The following UGGT2 variants were observed in gnomAD, a reference collection of about 807,000 sequenced individuals.
UGGT2 encodes UDP-glucose glycoprotein glucosyltransferase 2.
UGGT2 carries 180 observed loss-of-function variants against 192.1 expected under a neutral mutation model. The ratio of observed to expected loss-of-function variants is 0.94; its 90% CI spans 0.83 to 1.06. The LOEUF is 1.06. Among genes scored for constraint, UGGT2 ranks in the 50% least tolerant of loss-of-function variants. The pLI, the probability that UGGT2 is intolerant of heterozygous loss-of-function variation, is 0.00. For synonymous variants in UGGT2, 580 were observed against 591.0 expected, an observed-to-expected ratio of 0.98 and a Z score of 0.27; for missense variants, 1,849 against 1,795.7, an observed-to-expected ratio of 1.03 and a Z score of -0.54.
chr13:95,884,366 A>T, intron 27 of UGGT2, 125 bp downstream of exon 27: 1 of 800,208 alleles, frequency 1.2e-6, no homozygotes, highest in Non-Finnish European at 1.8e-6. Context: ...ATCAGGACCT[A>T]GAATCATAAA....
intron 38 of UGGT2, among the ~76,000 whole-genome samples, chr13:95,803,967 G>C (rs1184428038): frequency 1.3e-5 from 2 of 151,864 alleles, no homozygotes; most frequent in Non-Finnish European, 2.9e-5. Context: ...GGTATTTCAG[G>C]GGATATTAGA....
At chr13:95,926,974 CAT>C in intron 19 of UGGT2, 52 bp downstream of exon 19, 1 of 1,467,436 alleles carries the variant, frequency 6.8e-7, no homozygotes, top group Non-Finnish European at 9.2e-7. Context: ...GCCTTATGAA[CAT>C]TACAAGTTTC....
intron 38 of UGGT2, among the ~76,000 whole-genome samples, chr13:95,829,540 A>G (rs760245784): frequency 1.6e-4 from 25 of 152,206 alleles, no homozygotes; most frequent in Non-Finnish European, 3.1e-4. Flanking sequence ...ACAAAGAGAG[A>G]GCCAAATCAT....
rs1566568129 is a variant in UGGT2 at position 95,837,154 on chromosome 13, G to GAGGA, written c.4329_4332dup (p.Gln1445SerfsTer8). ...CAGGTTTCACACCACAGCCAGTCTT[G>GAGGA]AGGAAGAGACTTAATGGCGACTTGG... On this transcript the variant is annotated frameshift_variant, in exon 37 of 39. Transcript: ENST00000376747. LOFTEE classifies it high-confidence loss of function. 3 of 1,614,026 alleles carry GAGGA rather than the reference G, an allele frequency of 1.9e-6. No homozygotes were observed. The highest frequency in any genetic ancestry group is 2.5e-6 in the Non-Finnish European group (3 of 1,179,982).
intron 12 of UGGT2, among the ~76,000 whole-genome samples, chr13:95,964,950 C>T (rs2050520458): frequency 6.6e-6 from 1 of 152,176 alleles, no homozygotes; most frequent in South Asian, 2.1e-4. Flanking sequence ...AGATGCTTCT[C>T]AAAAGAAGAC....
At chr13:95,808,155 T>C (rs1884411805) in intron 38 of UGGT2, among the ~76,000 whole-genome samples, 1 of 152,160 alleles carries the variant, frequency 6.6e-6, no homozygotes, top group East Asian at 1.9e-4. Flanking sequence ...TACTTCCTGA[T>C]CTCAGGGACA....
chr13:96,002,917 T>C (rs888003739), intron 5 of UGGT2, among the ~76,000 whole-genome samples: 10 of 152,174 alleles, frequency 6.6e-5, no homozygotes, highest in Non-Finnish European at 1.2e-4. Flanking sequence ...TCTGTTCCCA[T>C]AGCTCCTAGA....
chr13:95,944,655 C>CT (rs1424885541), intron 15 of UGGT2, among the ~76,000 whole-genome samples: 1 of 151,892 alleles, frequency 6.6e-6, no homozygotes, highest in Non-Finnish European at 1.5e-5. Flanking sequence ...AATGTATATT[C>CT]TTATTACTTT....
intron 1 of UGGT2, among the ~76,000 whole-genome samples, chr13:96,034,263 A>G (rs1228209216): frequency 6.6e-6 from 1 of 151,932 alleles, no homozygotes; most frequent in Non-Finnish European, 1.5e-5. Flanking sequence ...GACTCAACAG[A>G]ATGACCTGCC....
chr13:95,993,164 G>A (rs1336185198), intron 7 of UGGT2, among the ~76,000 whole-genome samples: 1 of 152,100 alleles, frequency 6.6e-6, no homozygotes, highest in Non-Finnish European at 1.5e-5. Flanking sequence ...AATACCCTGT[G>A]TTCTCACTTA....
intron 15 of UGGT2, among the ~76,000 whole-genome samples, chr13:95,941,149 G>T (rs1251817931): frequency 6.6e-6 from 1 of 152,172 alleles, no homozygotes; most frequent in Non-Finnish European, 1.5e-5. Context: ...ACATTCTGGG[G>T]AAAGAAACTT....
At chr13:95,868,712 C>A (rs939329488) in intron 29 of UGGT2, among the ~76,000 whole-genome samples, 16 of 152,152 alleles carry the variant, frequency 1.1e-4, no homozygotes, top group South Asian at 4.1e-4. Context: ...TACTTAAGGG[C>A]ATTGACAACT....
intron 38 of UGGT2, among the ~76,000 whole-genome samples, chr13:95,827,968 C>T (rs28503176): frequency 0.058 from 8,894 of 152,134 alleles, 547 homozygotes; most frequent in African/African-American, 0.15. Flanking sequence ...CCCTATACCA[C>T]GACTTCACCT....
chr13:96,022,627 T>C (rs1383125823), intron 4 of UGGT2, among the ~76,000 whole-genome samples: 1 of 151,908 alleles, frequency 6.6e-6, no homozygotes, highest in Non-Finnish European at 1.5e-5. Flanking sequence ...TTACTTCTGA[T>C]TTGCCATTTT....
At chr13:95,938,961 G>C (rs1179578407) in intron 16 of UGGT2, among the ~76,000 whole-genome samples, 1 of 135,978 alleles carries the variant, frequency 7.4e-6, no homozygotes, top group East Asian at 2.1e-4. Flanking sequence ...CAACAATGGA[G>C]AATGCTCTTT....
At chr13:95,832,046 C>CTTT (rs751726923) in intron 38 of UGGT2, among the ~76,000 whole-genome samples, 1 of 138,144 alleles carries the variant, frequency 7.2e-6, no homozygotes. Flanking sequence ...TAAAGGAAAA[C>CTTT]TTTTTTTTTT....
intron 1 of UGGT2, among the ~76,000 whole-genome samples, chr13:96,034,078 T>C (rs962474446): frequency 1.3e-5 from 2 of 152,038 alleles, no homozygotes; most frequent in African/African-American, 2.4e-5. Context: ...AGCACACACT[T>C]ACCCCCCTCT....
At chr13:95,832,376 A>G (rs1291313868) in intron 38 of UGGT2, among the ~76,000 whole-genome samples, 1 of 152,140 alleles carries the variant, frequency 6.6e-6, no homozygotes, top group Admixed American at 6.6e-5. Flanking sequence ...TTTGTTGAAC[A>G]CTTATGTAGG....
chr13:95,860,489 T>TA (rs947668386), intron 32 of UGGT2, among the ~76,000 whole-genome samples: 87 of 139,844 alleles, frequency 6.2e-4, no homozygotes, highest in South Asian at 1.8e-3. Context: ...TAATTTTAAG[T>TA]AAAAAAAAAA....
Sources: gnomAD v4.1 joint callset for allele counts (sites outside exome capture counted in the v4.1 genomes callset) on GRCh38, gnomAD v4.1.1 for gene constraint, MANE v1.5 for transcripts, NCBI Gene and HGNC (gene_info 2026-07-23, HGNC 2026-07-21) for gene names.